GNPTG: variants seen among roughly 807,000 people sequenced by gnomAD.
GNPTG encodes N-acetylglucosamine-1-phosphotransferase subunit gamma.
A neutral mutation model predicts 43.8 loss-of-function variants in GNPTG; 46 were observed. That is an observed-to-expected ratio of 1.05 (90% CI 0.83 to 1.34). The LOEUF is 1.34. Ranked by LOEUF, GNPTG falls within the 40% of genes most tolerant of loss-of-function variation. The pLI is 0.00. For missense variants in GNPTG, 549 were observed against 411.3 expected, an observed-to-expected ratio of 1.33 and a Z score of -2.90; for synonymous variants, 250 against 172.8, an observed-to-expected ratio of 1.45 and a Z score of -3.50.
intron 3 of GNPTG, chr16:1,352,624 C>A (rs963242582): frequency 2.1e-5 from 8 of 377,828 alleles, no homozygotes; most frequent in Non-Finnish European, 3.5e-5. Context: ...AATCTAATCG[C>A]TTTTTTAAAA....
In GNPTG at chr16:1,363,440, T is replaced by G; in HGVS notation, c.*349T>G. The stretch of plus-strand genomic sequence containing the variant: ...TGAGGCTTCCAGAAATTAATCCACT[T>G]GAGGCGTCCACGCGGAACAAGGTCT... On this transcript the variant is annotated 3_prime_UTR_variant, in exon 11 of 11. Transcript: ENST00000204679. 1 of 351,218 alleles carries G rather than the reference T, an allele frequency of 2.8e-6. No individual in the cohort carries two copies. The allele number at this position is 351,218 out of a possible 1,614,324, so 21.8% of individuals were successfully genotyped here.
rs543660760 is a variant in GNPTG at position 1,351,978 on chromosome 16, C to A, written c.13C>A (p.Leu5Met). Residue 5 changes from leucine (L) to methionine (M), a missense_variant, in exon 1 of 11, where the codon CTG becomes ATG. Physicochemically the swap from Leu to Met is conservative, Grantham distance 15. Transcript: ENST00000204679. MAAG[L>M]ARLLLLLGLS... Reference sequence around the variant, plus strand: ...CCGCTGCGGCGCGATGGCGGCGGGGCTGGCGCGGCTCCTGTTGCTCCTCGG... The same window carrying A: ...CCGCTGCGGCGCGATGGCGGCGGGGATGGCGCGGCTCCTGTTGCTCCTCGG... 2 of 1,371,450 alleles carry A rather than the reference C, an allele frequency of 1.5e-6. No homozygotes were observed. The highest frequency in any genetic ancestry group is 1.9e-6 in the Non-Finnish European group (2 of 1,064,018). 85.0% of individuals were successfully genotyped at this position (1,371,450 alleles called of 1,614,324 possible).
intron 7 of GNPTG, 38 bp from the exon 8 acceptor site, chr16:1,362,414 T>A: frequency 1.7e-5 from 28 of 1,612,128 alleles, no homozygotes; most frequent in Non-Finnish European, 2.4e-5. Context: ...GGTTGGGACA[T>A]GGGGTGCAGC....
rs761349421 is a variant in GNPTG at position 1,362,914 on chromosome 16, A to G, written c.823+8A>G. 1 of 1,613,986 alleles carries G rather than the reference A, an allele frequency of 6.2e-7. No homozygotes were observed. The highest frequency in any genetic ancestry group is 8.5e-7 in the Non-Finnish European group (1 of 1,179,912). On this transcript the variant is annotated splice_region_variant and intron_variant, in intron 10 of 10. Coordinates refer to ENST00000204679, the MANE Select transcript of GNPTG (RefSeq NM_032520.5). ...CCTACACGAGGCCCACAGGTGAGTC[A>G]CCTGTGGGGAGAGGGCCAGGCTCAC...
chr16:1,361,225 GC>G (rs1488763919), intron 3 of GNPTG: 1 of 174,256 alleles, frequency 5.7e-6, no homozygotes, highest in African/African-American at 2.4e-5. Flanking sequence ...ACAGGCATGA[GC>G]CACGATAGCA....
In GNPTG at chr16:1,363,179, C is replaced by T. The variant is rs2034971632; in HGVS notation, c.*88C>T. The T allele has an allele frequency of 1.8e-6, 2 of 1,133,098 alleles. No individual in the cohort carries two copies. The highest frequency in any genetic ancestry group is 3.1e-5 in the African/African-American group (2 of 65,288). 70.2% of individuals were successfully genotyped at this position (1,133,098 alleles called of 1,614,324 possible). A position where few individuals can be genotyped will look rare whatever the true frequency, so the allele number is the denominator to read the frequency against. On this transcript the variant is annotated 3_prime_UTR_variant, in exon 11 of 11. Coordinates refer to ENST00000204679, the MANE Select transcript of GNPTG (RefSeq NM_032520.5). ...GACCCGCAGGGACCAGCTGACCAGG[C>T]TTGTGCTCAGAGAAGCAGACAAAAC...
intron 3 of GNPTG, among the ~76,000 whole-genome samples, chr16:1,356,636 G>A (rs1182975217): frequency 6.6e-6 from 1 of 152,214 alleles, no homozygotes; most frequent in South Asian, 2.1e-4. Context: ...CACTGAAGCT[G>A]TGGACAGCAC....
chr16:1,362,414 T>C (rs2034915467), intron 7 of GNPTG, 38 bp from the exon 8 acceptor site: 3 of 1,612,010 alleles, frequency 1.9e-6, no homozygotes, highest in Non-Finnish European at 2.5e-6. Context: ...GGTTGGGACA[T>C]GGGGTGCAGC....
At chr16:1,361,643 C>G in intron 3 of GNPTG, 100 bp from the exon 4 acceptor site, 2 of 1,277,390 alleles carry the variant, frequency 1.6e-6, no homozygotes, top group Middle Eastern at 1.9e-4. Context: ...GACTCCATCT[C>G]AAAAAAAAAG....
rs1002871568 is a variant in GNPTG, at chr16:1,355,639, G to A, written c.178+3333G>A. Among the ~76,000 whole-genome samples, 6 of 152,236 alleles carry A rather than the reference G, an allele frequency of 3.9e-5. No individual in the cohort carries two copies. The South Asian group carries it at 8.3e-4, about 21-fold the overall frequency. On this transcript the variant is annotated intron_variant, in intron 3 of 10. Coordinates refer to ENST00000204679, the MANE Select transcript of GNPTG (RefSeq NM_032520.5). Reference sequence around the variant, plus strand: ...GGGGCACGGTCAGTGTGGTGGTCCTGCCAGCGCCCAGCAGAGTCCAGCATA... The same window carrying A: ...GGGGCACGGTCAGTGTGGTGGTCCTACCAGCGCCCAGCAGAGTCCAGCATA...
Position 1,363,153 on chromosome 16 carries a change from G to C in GNPTG, c.*62G>C. ...AGCCCTACAGAGAAGCTGGCTGGTA[G>C]GACCCGCAGGGACCAGCTGACCAGG... On this transcript the variant is annotated 3_prime_UTR_variant, in exon 11 of 11. Transcript: ENST00000204679. The C allele has an allele frequency of 2.9e-6, 4 of 1,387,720 alleles. No individual in the cohort carries two copies. The highest frequency in any genetic ancestry group is 4.0e-6 in the Non-Finnish European group (4 of 989,364). The allele number at this position is 1,387,720 out of a possible 1,614,324, so 86.0% of individuals were successfully genotyped here.
At chr16:1,358,329 C>T (rs2034815156) in intron 3 of GNPTG, 2 of 152,382 alleles carry the variant, frequency 1.3e-5, no homozygotes, top group African/African-American at 4.8e-5. Flanking sequence ...TGTCTCTGAA[C>T]TTGGCTATTC....
chr16:1,360,242 G>A (rs972645618), intron 3 of GNPTG, among the ~76,000 whole-genome samples: 1 of 152,178 alleles, frequency 6.6e-6, no homozygotes, highest in Admixed American at 6.5e-5. Flanking sequence ...TCTTAAAATA[G>A]TTTCAGCCAC....
rs111790048 is a variant in GNPTG at position 1,353,253 on chromosome 16, A to G, written c.178+947A>G. Among the ~76,000 whole-genome samples, 598 of 152,344 alleles carry G rather than the reference A, an allele frequency of 3.9e-3. 3 individuals carry two copies. Among genetic ancestry groups the G allele is most frequent in the African/African-American group, 0.014 (562 of 41,576 alleles). On this transcript the variant is annotated intron_variant, in intron 3 of 10. Coordinates refer to ENST00000204679, the MANE Select transcript of GNPTG (RefSeq NM_032520.5). ...CGGCCTCCAAAAGTGCTGGGATTAT[A>G]GGCGTGAGCCACCGCGCCCAGCTTT... is the stretch of plus-strand genomic sequence containing the variant.
Position 1,363,019 on chromosome 16 carries a change from G to A in GNPTG, c.846G>A (p.Leu282=), listed in dbSNP as rs749443455. The A allele has an allele frequency of 1.2e-6, 2 of 1,614,078 alleles. No individual in the cohort carries two copies. The highest frequency in any genetic ancestry group is 1.3e-5 in the African/African-American group (1 of 75,020). ...RPTETSNLEH[L]GHETPRAKSP... ...CAGAAACTTCCAACTTGGAGCACTT[G>A]GGCCACGAGACGCCCAGAGCCAAGT... The change falls in exon 11 of 11, where the codon TTG becomes TTA. Residue 282 remains leucine, a synonymous_variant. Coordinates refer to ENST00000204679, the MANE Select transcript of GNPTG (RefSeq NM_032520.5).
rs564858429 is a variant in GNPTG at position 1,352,580 on chromosome 16, G to A, written c.178+274G>A. The A allele has an allele frequency of 2.6e-5, 13 of 504,264 alleles. No individual in the cohort carries two copies. In the Admixed American group the frequency reaches 3.2e-4, roughly 12 times the overall value. The allele number at this position is 504,264 out of a possible 1,614,324, so 31.2% of individuals were successfully genotyped here. A position where few individuals can be genotyped will look rare whatever the true frequency, so the allele number is the denominator to read the frequency against. On this transcript the variant is annotated intron_variant, in intron 3 of 10. Coordinates refer to ENST00000204679, the MANE Select transcript of GNPTG (RefSeq NM_032520.5). Reference sequence around the variant, plus strand: ...GACGCGTTTCTGTGCTTTTACGTGCGTGTCTATGCAACTGGAAAACGTATA... The same window carrying A: ...GACGCGTTTCTGTGCTTTTACGTGCATGTCTATGCAACTGGAAAACGTATA...
In GNPTG at chr16:1,362,505, G is replaced by A; in HGVS notation, c.580G>A (p.Asp194Asn). 1 of 1,614,144 alleles carries A rather than the reference G, an allele frequency of 6.2e-7. No individual in the cohort carries two copies. Among genetic ancestry groups the A allele is most frequent in the Non-Finnish European group, 8.5e-7 (1 of 1,180,014 alleles). ...GCGGCAGTGGGACCAGGTAGAGCAG[G>A]ACCTGGCCGATGAGCTGATCACCCC... ...LQRQWDQVEQ[D>N]LADELITPQG... is the part of the protein sequence containing the mutation. The change falls in exon 8 of 11, where the codon GAC becomes AAC. Residue 194 changes from aspartate (D) to asparagine (N), a missense_variant. Transcript: ENST00000204679.
intron 3 of GNPTG, among the ~76,000 whole-genome samples, chr16:1,353,485 G>A (rs1427140363): frequency 6.6e-6 from 1 of 152,130 alleles, no homozygotes; most frequent in Non-Finnish European, 1.5e-5. Context: ...AGCAGAGGAG[G>A]GAGTGTGTGT....
chr16:1,362,292 C>CCTCGTCTGCCACCCCCACGCCTTGCTAG lies in GNPTG; in HGVS notation c.499_526dup (p.Val176AlafsTer32). The CCTCGTCTGCCACCCCCACGCCTTGCTAG allele has an allele frequency of 6.2e-7, 1 of 1,613,306 alleles. No homozygotes were observed. The highest frequency in any genetic ancestry group is 8.5e-7 in the Non-Finnish European group (1 of 1,179,964). On this transcript the variant is annotated frameshift_variant, in exon 7 of 11. Coordinates refer to ENST00000204679, the MANE Select transcript of GNPTG (RefSeq NM_032520.5). LOFTEE classifies it high-confidence loss of function. ...TCTACGCGCTGACGTTCGAGACCCC[C>CCTCGTCTGCCACCCCCACGCCTTGCTAG]CTCGTCTGCCACCCCCACGCCTTGC...
Sources: gnomAD v4.1 joint callset for allele counts (sites outside exome capture counted in the v4.1 genomes callset) on GRCh38, gnomAD v4.1.1 for gene constraint, MANE v1.5 for transcripts, NCBI Gene and HGNC (gene_info 2026-07-23, HGNC 2026-07-21) for gene names.